DMXL1: variants seen among roughly 807,000 people sequenced by gnomAD.
The protein encoded by DMXL1 is Dmx like 1, also known as dmX-like protein 1.
A neutral mutation model predicts 319.2 loss-of-function variants in DMXL1; 99 were observed. That is an observed-to-expected ratio of 0.31 (90% CI 0.26 to 0.37). DMXL1 has a LOEUF of 0.37. Among genes scored for constraint, DMXL1 ranks in the 10% least tolerant of loss-of-function variants. DMXL1 has a pLI of 1.00. For synonymous variants in DMXL1, 1,385 were observed against 1,235.2 expected (o/e 1.12, Z -2.54); for missense variants, 3,745 against 3,595.6 (o/e 1.04, Z -1.06).
At chr5:119,243,842 T>G (rs1296611202) in intron 42 of DMXL1, among the ~76,000 whole-genome samples, 1 of 152,250 alleles carries the variant, frequency 6.6e-6, no homozygotes, top group Non-Finnish European at 1.5e-5. Flanking sequence ...CTTTATCACA[T>G]TCCTGTTAAT....
chr5:119,142,517 TAAA>T (rs148846123), intron 13 of DMXL1, among the ~76,000 whole-genome samples: 12 of 62,274 alleles, frequency 1.9e-4, no homozygotes, highest in Non-Finnish European at 4.1e-4. Context: ...TATTAAAAAG[TAAA>T]AAAAAAAAAA....
At chr5:119,226,000 TGA>T (rs1208353442) in intron 38 of DMXL1, among the ~76,000 whole-genome samples, 1 of 152,192 alleles carries the variant, frequency 6.6e-6, no homozygotes, top group Non-Finnish European at 1.5e-5. Flanking sequence ...GGAAGTTTTC[TGA>T]GATACTGAAG....
chr5:119,160,239 ATTTG>A (rs1216828592), intron 19 of DMXL1, among the ~76,000 whole-genome samples: 4 of 151,682 alleles, frequency 2.6e-5, no homozygotes, highest in South Asian at 2.1e-4. Context: ...CTGTTTTTGT[ATTTG>A]TTTGTCTCAA....
At chr5:119,166,027 C>T (rs566291450) in intron 21 of DMXL1, among the ~76,000 whole-genome samples, 1 of 152,222 alleles carries the variant, frequency 6.6e-6, no homozygotes, top group South Asian at 2.1e-4. Flanking sequence ...TATCTCCTTC[C>T]TGTGGGCCCC....
At chr5:119,131,889 G>T (rs899235646) in intron 10 of DMXL1, among the ~76,000 whole-genome samples, 1 of 152,164 alleles carries the variant, frequency 6.6e-6, no homozygotes, top group Non-Finnish European at 1.5e-5. Flanking sequence ...ATATTTGTGT[G>T]TGTGTTTGTA....
At chr5:119,106,051 C>T (rs1026690811) in intron 4 of DMXL1, among the ~76,000 whole-genome samples, 5 of 152,112 alleles carry the variant, frequency 3.3e-5, no homozygotes, top group Non-Finnish European at 7.3e-5. Flanking sequence ...GTGGGAATGG[C>T]TTGTCTATTG....
intron 28 of DMXL1, among the ~76,000 whole-genome samples, chr5:119,188,911 C>T (rs1040500133): frequency 1.3e-5 from 2 of 152,126 alleles, no homozygotes; most frequent in African/African-American, 2.4e-5. Flanking sequence ...AAAATCTCAT[C>T]GGAGCCATTA....
At chr5:119,091,569 A>G (rs1302063303) in intron 1 of DMXL1, among the ~76,000 whole-genome samples, 2 of 152,076 alleles carry the variant, frequency 1.3e-5, no homozygotes, top group Non-Finnish European at 2.9e-5. Context: ...TATTTATTCT[A>G]GTCTTTGGCT....
intron 14 of DMXL1, 25 bp downstream of exon 14, chr5:119,143,955 G>C (rs1199336974): frequency 1.4e-6 from 2 of 1,426,036 alleles, no homozygotes; most frequent in African/African-American, 1.5e-5. Context: ...TGGGGGGGAG[G>C]TATATTAAAA....
chr5:119,139,317 G>A (rs1027618875), intron 13 of DMXL1, among the ~76,000 whole-genome samples: 1 of 152,122 alleles, frequency 6.6e-6, no homozygotes, highest in Non-Finnish European at 1.5e-5. Context: ...AATGCCCCAC[G>A]TAAAAGGTAT....
chr5:119,206,683 A>T, intron 33 of DMXL1, 151 bp from the exon 34 acceptor site: 1 of 509,722 alleles, frequency 2.0e-6, no homozygotes, highest in Non-Finnish European at 3.4e-6. Context: ...TGCTTCTTAT[A>T]AGGTGTATGA....
rs1200274435 is a variant in DMXL1 at position 119,133,944 on chromosome 5, G to C, written c.2020G>C (p.Asp674His). The C allele has an allele frequency of 6.2e-7, 1 of 1,614,152 alleles. No individual in the cohort carries two copies. The highest frequency in any genetic ancestry group is 8.5e-7 in the Non-Finnish European group (1 of 1,180,028). The change falls in exon 12 of 44, where the codon GAT (aspartate) becomes CAT (histidine). Residue 674 changes from aspartate to histidine, a missense_variant. Around this residue, in one of 4 missense-constraint regions of DMXL1, gnomAD observed 2,096 missense variants for 1,985.4 expected, o/e 1.06. Coordinates refer to ENST00000539542, the MANE Select transcript of DMXL1 (RefSeq NM_001290321.3). ...PDVDNPEQPF[D>H]ALNIEECSLT... ...TGTTGATAACCCAGAGCAACCTTTT[G>C]ATGCTCTAAATATTGAAGAATGCTC...
At chr5:119,107,466 A>C (rs1343182645) in intron 4 of DMXL1, among the ~76,000 whole-genome samples, 1 of 152,170 alleles carries the variant, frequency 6.6e-6, no homozygotes, top group African/African-American at 2.4e-5. Context: ...TGCCTAATTC[A>C]TAAGATTTTC....
At chr5:119,102,637 A>T (rs958106242) in intron 3 of DMXL1, among the ~76,000 whole-genome samples, 2 of 152,096 alleles carry the variant, frequency 1.3e-5, no homozygotes, top group African/African-American at 4.8e-5. Flanking sequence ...GCAAGATTTT[A>T]AAAAAAGTTT....
At chr5:119,167,073 A>T (rs1449521615) in intron 22 of DMXL1, among the ~76,000 whole-genome samples, 4 of 152,140 alleles carry the variant, frequency 2.6e-5, no homozygotes, top group Non-Finnish European at 5.9e-5. Flanking sequence ...ACCAGTTTAA[A>T]CATATTTGAA....
intron 9 of DMXL1, chr5:119,127,822 C>A (rs1763943974): frequency 7.4e-6 from 2 of 269,256 alleles, no homozygotes; most frequent in South Asian, 8.1e-5. Context: ...TCTTAGATTT[C>A]TTTCATTATC....
In DMXL1 at chr5:119,170,626, C is replaced by G; in HGVS notation, c.5835C>G (p.Asn1945Lys). 1 of 1,613,742 alleles carries G rather than the reference C, an allele frequency of 6.2e-7. No homozygotes were observed. The highest frequency in any genetic ancestry group is 8.5e-7 in the Non-Finnish European group (1 of 1,179,910). ...SSEGSSEKQS[N>K]STLSFDWSQP... ...AGGGTTCCTCAGAGAAGCAATCAAA[C>G]TCCACTCTTTCTTTTGACTGGAGCC... Residue 1945 changes from asparagine (N) to lysine (K), a missense_variant, in exon 24 of 44, where the codon AAC (asparagine) becomes AAG (lysine). This residue lies in a region of DMXL1 where 1,382 missense variants were observed against 1,269.5 expected (regional missense o/e 1.09). Coordinates refer to ENST00000539542, the MANE Select transcript of DMXL1 (RefSeq NM_001290321.3).
chr5:119,145,973 T>G (rs1768430954), intron 15 of DMXL1, among the ~76,000 whole-genome samples: 1 of 151,824 alleles, frequency 6.6e-6, no homozygotes. Context: ...TCTTTATCCT[T>G]TTCTCTTAAT....
intron 34 of DMXL1, among the ~76,000 whole-genome samples, chr5:119,210,615 A>G (rs1782588884): frequency 6.6e-6 from 1 of 152,082 alleles, no homozygotes; most frequent in Non-Finnish European, 1.5e-5. Flanking sequence ...CTAATTCTGG[A>G]GTCTGTTTTG....
Sources: allele counts gnomAD v4.1 joint callset (sites outside exome capture counted in the v4.1 genomes callset), GRCh38; gene constraint gnomAD v4.1.1; regional missense constraint gnomAD v4.1.1; transcripts MANE v1.5; gene names NCBI Gene and HGNC (gene_info 2026-07-23, HGNC 2026-07-21).